Variants in AGAP1 observed in about 807,000 individuals in gnomAD.
AGAP1 encodes arf-GAP with GTPase, ANK repeat and PH domain-containing protein 1.
In AGAP1, 29 loss-of-function variants were observed where a neutral mutation model predicts 105.3. The observed-to-expected ratio is 0.28, with a 90% CI of 0.21 to 0.38. AGAP1 has a LOEUF of 0.38. Among genes scored for constraint, AGAP1 ranks in the 10% least tolerant of loss-of-function variants. The pLI, the probability that AGAP1 is intolerant of heterozygous loss-of-function variation, is 1.00. For synonymous variants in AGAP1, 509 were observed against 485.9 expected, an observed-to-expected ratio of 1.05 and a Z score of -0.63; for missense variants, 998 against 1,165.1, an observed-to-expected ratio of 0.86 and a Z score of 2.09.
chr2:235,670,324 G>GGCGGAGGGCGCCGAGGAA (rs1272797660), intron 1 of AGAP1: 4 of 480,368 alleles, frequency 8.3e-6, no homozygotes, highest in Non-Finnish European at 1.5e-5. Flanking sequence ...AGGCCGAGGA[G>GGCGGAGGGCGCCGAGGAA]GCGGAGGGCG....
At position 235,575,592 on chromosome 2, in the gene AGAP1, G is replaced by A. The variant is rs146226103; in HGVS notation, c.163+80743G>A. 2.7e-3 allele frequency among the ~76,000 whole-genome samples: 410 copies of A among 152,324 alleles called. 1 individual carries two copies. The highest frequency in any genetic ancestry group is 9.3e-3 in the African/African-American group (385 of 41,562). ...TGCCTCCTCCGTGAGCTGTGCTCAC[G>A]GGTGGCCAGGTGTTTGACACTAGTA... On this transcript the variant is annotated intron_variant, in intron 1 of 17. Coordinates refer to ENST00000304032, the MANE Select transcript of AGAP1 (RefSeq NM_001037131.3).
rs866893241 is a variant in AGAP1, at chr2:235,494,550, C to T, written c.-137C>T. 3.9e-3 allele frequency: 614 copies of T among 157,442 alleles called. 5 individuals carry two copies. The highest frequency in any genetic ancestry group is 0.014 in the African/African-American group (581 of 40,124). The allele number at this position is 157,442 out of a possible 1,614,324, so 9.8% of individuals were successfully genotyped here. ...CGCCTGCTCCGCCCGCGCCTTTCTTCTCGCGCCTCCTCCGCCCGCCGCCGG... is the reference window on the plus strand; with the variant it reads ...CGCCTGCTCCGCCCGCGCCTTTCTTTTCGCGCCTCCTCCGCCCGCCGCCGG... On this transcript the variant is annotated 5_prime_UTR_variant, in exon 1 of 18. Transcript: ENST00000304032.
intron 10 of AGAP1, among the ~76,000 whole-genome samples, chr2:235,884,393 C>A (rs1018061905): frequency 1.3e-5 from 2 of 150,662 alleles, no homozygotes; most frequent in Non-Finnish European, 2.9e-5. Context: ...TAAATAGTTG[C>A]TATACTATTG....
chr2:235,579,432 G>C (rs951065913), intron 1 of AGAP1, among the ~76,000 whole-genome samples: 1 of 152,070 alleles, frequency 6.6e-6, no homozygotes, highest in Non-Finnish European at 1.5e-5. Flanking sequence ...TGTTGTTGTC[G>C]TTAAAAAATA....
At chr2:235,997,952 T>C (rs1327740150) in intron 13 of AGAP1, among the ~76,000 whole-genome samples, 1 of 152,166 alleles carries the variant, frequency 6.6e-6, no homozygotes, top group Non-Finnish European at 1.5e-5. Flanking sequence ...GCCCACAGTT[T>C]GGATGCAGTT....
At chr2:235,529,589 T>A (rs569753920) in intron 1 of AGAP1, among the ~76,000 whole-genome samples, 1 of 152,302 alleles carries the variant, frequency 6.6e-6, no homozygotes, top group South Asian at 2.1e-4. Flanking sequence ...GCTCCCCACA[T>A]CACAAAATCC....
rs2059018616 is a variant in AGAP1, at chr2:236,090,008, C to A, written c.2115-30184C>A. ...TTATGCCTGTACAGCAGCTCCCTGG[C>A]TGCAAATGAATCCATCGGATACAGA... On this transcript the variant is annotated intron_variant, in intron 16 of 17. Transcript: ENST00000304032. The surrounding 1 kb of genome is among the most constrained non-coding windows in gnomAD (Gnocchi z 4.3). 6.6e-6 allele frequency among the ~76,000 whole-genome samples: 1 copy of A among 152,102 alleles called. No individual in the cohort carries two copies. The highest frequency in any genetic ancestry group is 1.5e-5 in the Non-Finnish European group (1 of 68,030).
chr2:236,069,375 G>A (rs929190844), intron 16 of AGAP1, among the ~76,000 whole-genome samples: 28 of 152,112 alleles, frequency 1.8e-4, no homozygotes, highest in African/African-American at 6.5e-4. Context: ...TACATGGTAA[G>A]TATATGCATT....
At chr2:235,643,431 C>CAAAAAAAAAAAAAAAAAAAAA (rs56146940) in intron 1 of AGAP1, among the ~76,000 whole-genome samples, 3 of 61,418 alleles carry the variant, frequency 4.9e-5, no homozygotes, top group African/African-American at 2.1e-4. Flanking sequence ...GACTGGGTCT[C>CAAAAAAAAAAAAAAAAAAAAA]AAAAAAAAAA....
chr2:235,999,500 GGT>G (rs2055994347), intron 13 of AGAP1, among the ~76,000 whole-genome samples: 4 of 149,430 alleles, frequency 2.7e-5, no homozygotes, highest in Non-Finnish European at 4.5e-5. Flanking sequence ...AGGTGGTGGT[GGT>G]AGTGGTGATG....
chr2:235,670,395 G>A, intron 1 of AGAP1: 2 of 567,674 alleles, frequency 3.5e-6, no homozygotes, highest in South Asian at 3.8e-5. Flanking sequence ...CGCACCCGCA[G>A]CACCGGGCAG....
At chr2:235,828,766 A>G (rs1455816285) in intron 9 of AGAP1, among the ~76,000 whole-genome samples, 2 of 152,212 alleles carry the variant, frequency 1.3e-5, no homozygotes, top group East Asian at 1.9e-4. Flanking sequence ...CTCGGATGTC[A>G]TGAGATGTCC....
rs1239180839 is a variant in AGAP1 at position 236,113,763 on chromosome 2, C to T, written c.2115-6429C>T. Among the ~76,000 whole-genome samples, 2 of 152,118 alleles carry T rather than the reference C, an allele frequency of 1.3e-5. No homozygotes were observed. Among genetic ancestry groups the T allele is most frequent in the Non-Finnish European group, 2.9e-5 (2 of 68,026 alleles). On this transcript the variant is annotated intron_variant, in intron 16 of 17. Transcript: ENST00000304032. This position sits in a 1 kb window ranked among gnomAD's most constrained non-coding sequence, Gnocchi z 4.3. Reference sequence around the variant, plus strand: ...TCCGAGCTGGCAGACCCCGAAAAATCCAGAGGGTTCACGGCTCCTGCAACC... The same window carrying T: ...TCCGAGCTGGCAGACCCCGAAAAATTCAGAGGGTTCACGGCTCCTGCAACC...
At chr2:235,895,730 GATGGATGGATGGATGGATGA>G (rs1446973633) in intron 10 of AGAP1, among the ~76,000 whole-genome samples, 37 of 143,630 alleles carry the variant, frequency 2.6e-4, no homozygotes, top group Middle Eastern at 3.5e-3. Context: ...TGGATGGATG[GATGGATGGATGGATGGATGA>G]ATGGAGGCAC....
intron 10 of AGAP1, among the ~76,000 whole-genome samples, chr2:235,884,288 G>T (rs1475643250): frequency 6.6e-6 from 1 of 152,068 alleles, no homozygotes; most frequent in East Asian, 1.9e-4. Context: ...ATATTAAATG[G>T]CATAGTATCT....
At chr2:236,064,076 T>A (rs1316408865) in intron 16 of AGAP1, among the ~76,000 whole-genome samples, 1 of 152,026 alleles carries the variant, frequency 6.6e-6, no homozygotes, top group South Asian at 2.1e-4. Context: ...TTAATGAAAT[T>A]AGGAGATAAC....
chr2:235,695,807 A>AG (rs1282534683), intron 1 of AGAP1, among the ~76,000 whole-genome samples: 4 of 152,200 alleles, frequency 2.6e-5, no homozygotes, highest in African/African-American at 9.6e-5. Context: ...CAGGGAGCTG[A>AG]GAGGGGTCAC....
intron 12 of AGAP1, among the ~76,000 whole-genome samples, chr2:235,954,773 A>G (rs1339490727): frequency 6.6e-6 from 1 of 151,820 alleles, no homozygotes; most frequent in Non-Finnish European, 1.5e-5. Flanking sequence ...ATATATGCTT[A>G]TTAACTCTCT....
At chr2:235,547,151 G>C (rs1455583465) in intron 1 of AGAP1, among the ~76,000 whole-genome samples, 1 of 152,158 alleles carries the variant, frequency 6.6e-6, no homozygotes, top group Admixed American at 6.5e-5. Flanking sequence ...CCAGGGAGGT[G>C]ACGGGCAGTG....
Sources: gnomAD v4.1 joint callset for allele counts (sites outside exome capture counted in the v4.1 genomes callset) on GRCh38, gnomAD v4.1.1 for gene constraint, Gnocchi (gnomAD v3.1) non-coding constraint, MANE v1.5 for transcripts, NCBI Gene and HGNC (gene_info 2026-07-23, HGNC 2026-07-21) for gene names.